Variants in PUDP observed in about 807,000 individuals in gnomAD.
PUDP encodes pseudouridine-5'-phosphatase.
PUDP carries 8 observed loss-of-function variants against 9.4 expected under a neutral mutation model. That is an observed-to-expected ratio of 0.85 (90% CI 0.50 to 1.53). The LOEUF (loss-of-function observed/expected upper bound fraction) is 1.53, where lower values mean the gene tolerates loss of function less well. Ranked by LOEUF, PUDP falls within the 40% of genes most tolerant of loss-of-function variation. PUDP has a pLI of 0.00. For missense variants in PUDP, 188 were observed against 189.7 expected (o/e 0.99, Z 0.05); for synonymous variants, 99 against 80.7 (o/e 1.23, Z -1.22).
At chrX:6,888,899 G>A (rs974384611) in intron 3 of PUDP, among the ~76,000 whole-genome samples, 2 of 111,459 alleles carry the variant, frequency 1.8e-5, no homozygotes, top group South Asian at 3.8e-4. Context: ...CGGCCAGATC[G>A]CCCCTGACGA....
At chrX:6,768,369 T>C (rs996530732) in intron 3 of PUDP, among the ~76,000 whole-genome samples, 3 of 112,261 alleles carry the variant, frequency 2.7e-5, no homozygotes, top group Non-Finnish European at 3.8e-5. Flanking sequence ...AAATGTAGCA[T>C]AGGATTTAAG....
At position 6,729,381 on chromosome X, in the gene PUDP, C is replaced by T. The variant is rs141781240; in HGVS notation, c.*248-22915G>A. On this transcript the variant is annotated intron_variant and NMD_transcript_variant, in intron 3 of 3. Coordinates refer to the PUDP transcript ENST00000655425. ...ACCAAACCAATGTTCATCTTACATA[C>T]GTTGACTGATGTCTCATGTCTCCCT... is the stretch of plus-strand genomic sequence containing the variant. Among the ~76,000 whole-genome samples, 13 of 112,240 alleles carry T rather than the reference C, an allele frequency of 1.2e-4. No homozygotes were observed. In the East Asian group the frequency reaches 2.8e-3, roughly 24 times the overall value.
At chrX:6,956,291 C>T (rs760219118) in intron 3 of PUDP, among the ~76,000 whole-genome samples, 52 of 110,884 alleles carry the variant, frequency 4.7e-4, no homozygotes, top group Non-Finnish European at 9.2e-4. Context: ...TCCCAAAGTG[C>T]TAGGATTACA....
chrX:6,866,228 G>GT lies in PUDP; in HGVS notation c.*247+110904dup, dbSNP rs1157132935. 3.4e-3 allele frequency among the ~76,000 whole-genome samples: 323 copies of GT among 94,864 alleles called. 1 individual carries two copies. The highest frequency in any genetic ancestry group is 4.9e-3 in the Non-Finnish European group (231 of 47,019). The allele number at this position is 94,864 out of a possible 115,157, so 82.4% of individuals were successfully genotyped here. On this transcript the variant is annotated intron_variant and NMD_transcript_variant, in intron 3 of 3. Transcript: ENST00000655425. ...CATGAGCCACCATACCCAGCTGAAAGTTTTTTTTTTTTTAATTTAAAATTT... is the reference window on the plus strand; with the variant it reads ...CATGAGCCACCATACCCAGCTGAAAGTTTTTTTTTTTTTTAATTTAAAATTT...
At chrX:6,952,224 T>A (rs928710855) in intron 3 of PUDP, among the ~76,000 whole-genome samples, 1 of 112,330 alleles carries the variant, frequency 8.9e-6, no homozygotes, top group African/African-American at 3.2e-5. Context: ...TTTCTTTTCC[T>A]TGACTCTTTT....
chrX:6,908,916 G>A (rs752097770), intron 3 of PUDP, among the ~76,000 whole-genome samples: 1 of 111,507 alleles, frequency 9.0e-6, no homozygotes, highest in South Asian at 3.8e-4. Flanking sequence ...ACCAGAAGCC[G>A]ATAGCTGTAA....
intron 3 of PUDP, among the ~76,000 whole-genome samples, chrX:6,887,203 A>C (rs1023735882): frequency 1.9e-5 from 2 of 105,735 alleles, no homozygotes; most frequent in Non-Finnish European, 3.9e-5. Flanking sequence ...AAATATATTT[A>C]TTTACAAATA....
chrX:6,967,052 G>A (rs1179799102), intron 3 of PUDP, among the ~76,000 whole-genome samples: 1 of 111,524 alleles, frequency 9.0e-6, no homozygotes, highest in African/African-American at 3.3e-5. Context: ...AGGGTATGTA[G>A]GGGGCCGTGT....
chrX:6,797,689 T>A (rs1217571461), intron 3 of PUDP, among the ~76,000 whole-genome samples: 8 of 112,058 alleles, frequency 7.1e-5, no homozygotes, highest in African/African-American at 2.6e-4. Context: ...CCAGATGACA[T>A]CTTCACTGCA....
At chrX:6,731,056 CTTTTTA>C (rs1163021236) in intron 3 of PUDP, among the ~76,000 whole-genome samples, 1 of 91,797 alleles carries the variant, frequency 1.1e-5, no homozygotes, top group East Asian at 3.7e-4. Flanking sequence ...GGGATGTAGT[CTTTTTA>C]TTTTTATTTT....
intron 3 of PUDP, among the ~76,000 whole-genome samples, chrX:6,850,836 A>G (rs1206271455): frequency 8.9e-6 from 1 of 112,084 alleles, no homozygotes; most frequent in Admixed American, 9.5e-5. Flanking sequence ...CAGAAACATT[A>G]ATCTGAGGTT....
intron 1 of PUDP, among the ~76,000 whole-genome samples, chrX:6,710,773 T>G (rs1380383830): frequency 9.0e-6 from 1 of 111,436 alleles, no homozygotes; most frequent in Non-Finnish European, 1.9e-5. Context: ...AGGTCTGGGG[T>G]TTTTCTGTGT....
At chrX:7,114,920 A>G (rs1932154917) in intron 1 of PUDP, among the ~76,000 whole-genome samples, 1 of 112,098 alleles carries the variant, frequency 8.9e-6, no homozygotes, top group African/African-American at 3.2e-5. Flanking sequence ...TTATTTTCCT[A>G]TTTCCTTCTG....
intron 3 of PUDP, among the ~76,000 whole-genome samples, chrX:6,819,983 T>A (rs1489596276): frequency 1.9e-5 from 2 of 107,753 alleles, no homozygotes; most frequent in African/African-American, 6.9e-5. Flanking sequence ...ATATATATAT[T>A]TTTTTCGCCA....
chrX:7,039,698 T>C (rs1929896924), intron 1 of PUDP, among the ~76,000 whole-genome samples: 1 of 112,598 alleles, frequency 8.9e-6, no homozygotes, highest in Admixed American at 9.4e-5. Flanking sequence ...TGTTTAAGCA[T>C]TCCCATATGT....
At chrX:6,951,120 C>A (rs1003855897) in intron 3 of PUDP, among the ~76,000 whole-genome samples, 2 of 111,323 alleles carry the variant, frequency 1.8e-5, no homozygotes, top group African/African-American at 6.5e-5. Flanking sequence ...CTGCATGAAC[C>A]CATTTCTTAT....
intron 3 of PUDP, among the ~76,000 whole-genome samples, chrX:6,758,698 G>A (rs191755180): frequency 2.8e-4 from 31 of 111,359 alleles, no homozygotes; most frequent in Admixed American, 2.8e-3. Flanking sequence ...CCATCCACCT[G>A]TATTAAGGCA....
At chrX:7,105,040 C>T (rs1248705130) in intron 2 of PUDP, among the ~76,000 whole-genome samples, 4 of 111,304 alleles carry the variant, frequency 3.6e-5, no homozygotes, top group African/African-American at 1.3e-4. Context: ...CAGGCAAGCC[C>T]GTTCTGATTG....
At chrX:7,142,377 C>T (rs746472407) in intron 1 of PUDP, among the ~76,000 whole-genome samples, 5 of 112,120 alleles carry the variant, frequency 4.5e-5, no homozygotes, top group African/African-American at 1.6e-4. Context: ...GAGGAAGTAA[C>T]TGCAGAATGT....
Sources: allele counts gnomAD v4.1 joint callset (sites outside exome capture counted in the v4.1 genomes callset), GRCh38; gene constraint gnomAD v4.1.1; transcripts MANE v1.5; gene names NCBI Gene and HGNC (gene_info 2026-07-23, HGNC 2026-07-21).